Variants in SFTPD observed in about 807,000 individuals in gnomAD.
SFTPD encodes pulmonary surfactant-associated protein D.
Under a neutral mutation model 34.6 loss-of-function variants are expected in SFTPD, and 18 were observed. The ratio of observed to expected loss-of-function variants is 0.52; its 90% CI spans 0.36 to 0.77. SFTPD has a LOEUF of 0.77. Ranked by LOEUF, SFTPD falls within the 30% of genes least tolerant of loss-of-function variation. SFTPD has a pLI of 0.00. For synonymous variants in SFTPD, 155 were observed against 180.9 expected (o/e 0.86, Z 1.15); for missense variants, 433 against 468.9 (o/e 0.92, Z 0.71).
upstream of SFTPD, among the ~76,000 whole-genome samples, chr10:79,953,570 T>C (rs1842723049): frequency 6.6e-6 from 1 of 152,116 alleles, no homozygotes; most frequent in African/African-American, 2.4e-5. Flanking sequence ...TCAATTTTTT[T>C]TCTTTGTATT....
chr10:79,942,301 G>A, intron 4 of SFTPD, 87 bp downstream of exon 4: 1 of 928,496 alleles, frequency 1.1e-6, no homozygotes. Flanking sequence ...GGCTCTCCCT[G>A]GCACTCTGAG....
chr10:79,977,365 A>T (rs1186379913), intron 1 of SFTPD, among the ~76,000 whole-genome samples: 1 of 152,230 alleles, frequency 6.6e-6, no homozygotes, highest in Non-Finnish European at 1.5e-5. Flanking sequence ...ACTAGCTGTG[A>T]AGAATCCTAG....
intron 2 of SFTPD, 136 bp from the exon 3 acceptor site, chr10:79,943,015 T>C (rs1356353674): frequency 4.8e-6 from 3 of 628,924 alleles, no homozygotes; most frequent in Non-Finnish European, 8.5e-6. Flanking sequence ...CCAGGCCCAG[T>C]GGTGATCCAG....
intron 1 of SFTPD, among the ~76,000 whole-genome samples, chr10:79,958,798 T>TA (rs1217869108): frequency 6.6e-6 from 1 of 152,180 alleles, no homozygotes; most frequent in Non-Finnish European, 1.5e-5. Context: ...GCAGACCTAA[T>TA]AGACAACTAC....
chr10:79,978,790 G>A (rs1230385895), intron 1 of SFTPD, among the ~76,000 whole-genome samples: 1 of 149,146 alleles, frequency 6.7e-6, no homozygotes. Context: ...TTAGAAACAA[G>A]ACAAGGATGT....
At chr10:79,938,480 T>A (rs1374300717) in intron 7 of SFTPD, among the ~76,000 whole-genome samples, 1 of 152,036 alleles carries the variant, frequency 6.6e-6, no homozygotes, top group Non-Finnish European at 1.5e-5. Flanking sequence ...AGGCTCAAAG[T>A]CACACAAGCA....
chr10:79,975,593 C>T (rs959801548), intron 1 of SFTPD, among the ~76,000 whole-genome samples: 3 of 152,122 alleles, frequency 2.0e-5, no homozygotes, highest in South Asian at 2.1e-4. Context: ...CCAGCTCAGT[C>T]GGGGAGACCC....
chr10:79,956,713 C>T (rs968433138), intron 1 of SFTPD, among the ~76,000 whole-genome samples: 1 of 152,236 alleles, frequency 6.6e-6, no homozygotes, highest in Non-Finnish European at 1.5e-5. Context: ...CTGTAGGCTC[C>T]ACCTCTGGGG....
intron 1 of SFTPD, among the ~76,000 whole-genome samples, chr10:79,959,649 A>T (rs1282323811): frequency 3.3e-5 from 5 of 152,226 alleles, no homozygotes; most frequent in Non-Finnish European, 7.3e-5. Context: ...TGTGGCAATA[A>T]TCAATAGCTT....
At chr10:79,963,290 G>T (rs1842785482) in intron 1 of SFTPD, among the ~76,000 whole-genome samples, 1 of 151,698 alleles carries the variant, frequency 6.6e-6, no homozygotes, top group Admixed American at 6.6e-5. Flanking sequence ...GTTCAAGGCT[G>T]CAGTGAGCTA....
intron 1 of SFTPD, among the ~76,000 whole-genome samples, chr10:79,962,117 G>A (rs1164699364): frequency 7.4e-6 from 1 of 135,222 alleles, no homozygotes; most frequent in Non-Finnish European, 1.5e-5. Flanking sequence ...GACACAGGAA[G>A]GGGAACATCA....
chr10:79,964,547 C>T (rs1447390307), intron 1 of SFTPD, among the ~76,000 whole-genome samples: 1 of 152,190 alleles, frequency 6.6e-6, no homozygotes, highest in Non-Finnish European at 1.5e-5. Context: ...GAAAATATCT[C>T]CTTCCAGCCT....
chr10:79,975,150 C>T (rs1842857742), intron 1 of SFTPD, among the ~76,000 whole-genome samples: 2 of 152,154 alleles, frequency 1.3e-5, no homozygotes, highest in Non-Finnish European at 1.5e-5. Flanking sequence ...AGAGCAGTCG[C>T]TCTAGGTGCT....
intron 1 of SFTPD, among the ~76,000 whole-genome samples, chr10:79,956,215 C>A (rs1052444258): frequency 5.9e-5 from 9 of 152,206 alleles, no homozygotes; most frequent in African/African-American, 2.2e-4. Flanking sequence ...TCTACAGCTC[C>A]CAGTGTGAGC....
chr10:79,954,903 T>C (rs1842730157), intron 1 of SFTPD, among the ~76,000 whole-genome samples: 1 of 152,164 alleles, frequency 6.6e-6, no homozygotes. Flanking sequence ...TCCTTGCTTC[T>C]AGCACTCCCA....
chr10:79,942,220 G>A, intron 4 of SFTPD, 150 bp from the exon 5 acceptor site: 1 of 749,272 alleles, frequency 1.3e-6, no homozygotes, highest in East Asian at 2.5e-5. Context: ...TCTGTGGAGG[G>A]TGAGAGGAAA....
In SFTPD at chr10:79,942,453, AG is replaced by A. The variant is rs1448137620; in HGVS notation, c.367del (p.Leu123TrpfsTer7). On this transcript the variant is annotated frameshift_variant, in exon 4 of 8. Coordinates refer to ENST00000372292, the MANE Select transcript of SFTPD (RefSeq NM_003019.5). LOFTEE classifies it high-confidence loss of function. ...VPGPAGREGP[L>X]GKQGNIGPQG... Reference sequence around the variant, plus strand: ...AGGTCCTATGTTCCCCTGCTTCCCCAGGGGACCTTCTCTTCCAGCTGGACCA... The same window carrying A: ...AGGTCCTATGTTCCCCTGCTTCCCCAGGGACCTTCTCTTCCAGCTGGACCA... 1 of 1,613,528 alleles carries A rather than the reference AG, an allele frequency of 6.2e-7. No homozygotes were observed. The highest frequency in any genetic ancestry group is 8.5e-7 in the Non-Finnish European group (1 of 1,179,596).
At chr10:79,951,192 A>G (rs1400876949), upstream of SFTPD, among the ~76,000 whole-genome samples, 1 of 152,096 alleles carries the variant, frequency 6.6e-6, no homozygotes, top group African/African-American at 2.4e-5. Context: ...TGTTATTTCA[A>G]AATTTTTATA....
At chr10:79,950,513 A>G (rs1007318664), upstream of SFTPD, 2 of 152,196 alleles carry the variant, frequency 1.3e-5, no homozygotes, top group African/African-American at 4.8e-5. Flanking sequence ...TAAGACCCCA[A>G]TCTCTTCTGG....
Sources: gnomAD v4.1 joint callset for allele counts (sites outside exome capture counted in the v4.1 genomes callset) on GRCh38, gnomAD v4.1.1 for gene constraint, MANE v1.5 for transcripts, NCBI Gene and HGNC (gene_info 2026-07-23, HGNC 2026-07-21) for gene names.